The following TAFA2 variants were observed in gnomAD, a reference collection of about 807,000 sequenced individuals.
The protein encoded by TAFA2 is TAFA chemokine like family member 2.
A neutral mutation model predicts 18.8 loss-of-function variants in TAFA2; 7 were observed. That is an observed-to-expected ratio of 0.37 (90% confidence interval 0.21 to 0.70). TAFA2 has a LOEUF of 0.70. Ranked by LOEUF, TAFA2 falls within the 30% of genes least tolerant of loss-of-function variation. TAFA2 has a pLI of 0.53. For missense variants in TAFA2, 122 were observed against 158.1 expected, an observed-to-expected ratio of 0.77 and a Z score of 1.23; for synonymous variants, 60 against 54.2, an observed-to-expected ratio of 1.11 and a Z score of -0.47.
intron 1 of TAFA2, among the ~76,000 whole-genome samples, chr12:61,997,118 T>C (rs1349746747): frequency 2.0e-5 from 3 of 151,918 alleles, no homozygotes; most frequent in African/African-American, 7.3e-5. Context: ...AAAGTGTATA[T>C]ATGTATATGT....
intron 2 of TAFA2, among the ~76,000 whole-genome samples, chr12:61,796,051 A>G (rs1328977989): frequency 1.3e-5 from 2 of 152,156 alleles, no homozygotes; most frequent in Non-Finnish European, 2.9e-5. Context: ...TATGAAATAG[A>G]ACAACCACTT....
intron 1 of TAFA2, among the ~76,000 whole-genome samples, chr12:62,113,237 G>C (rs1387984853): frequency 6.6e-6 from 1 of 152,102 alleles, no homozygotes; most frequent in Non-Finnish European, 1.5e-5. Flanking sequence ...TAACAGTCAG[G>C]ACCCTCTGCT....
Position 61,783,228 on chromosome 12 carries a change from C to A in TAFA2, c.107-28204G>T, listed in dbSNP as rs1296936677. ...CAATCAGAAATAGAAAAAAACAAAG[C>A]TATAAAGGAATATTGCAAGGAATAT... On this transcript the variant is annotated intron_variant, in intron 2 of 4. Coordinates refer to ENST00000416284, the MANE Select transcript of TAFA2 (RefSeq NM_178539.5). 4.0e-5 allele frequency among the ~76,000 whole-genome samples: 6 copies of A among 151,540 alleles called. No individual in the cohort carries two copies. In the East Asian group the frequency reaches 1.2e-3, roughly 30 times the overall value.
intron 1 of TAFA2, among the ~76,000 whole-genome samples, chr12:62,058,477 C>T (rs908273111): frequency 1.3e-5 from 2 of 152,170 alleles, no homozygotes; most frequent in African/African-American, 4.8e-5. Context: ...ACTGGAGATA[C>T]AGCAGTGAAT....
At chr12:61,920,413 T>A (rs1055320821) in intron 1 of TAFA2, among the ~76,000 whole-genome samples, 1 of 152,188 alleles carries the variant, frequency 6.6e-6, no homozygotes, top group South Asian at 2.1e-4. Context: ...ATGAAAAAGA[T>A]GGAAAGTTGG....
chr12:62,251,900 T>A (rs2062915952), intron 1 of TAFA2, among the ~76,000 whole-genome samples: 1 of 152,330 alleles, frequency 6.6e-6, no homozygotes, highest in Non-Finnish European at 1.5e-5. Context: ...TCTTTAGTCA[T>A]GAAGGATGAT....
At chr12:62,110,564 C>T (rs1869676652) in intron 1 of TAFA2, among the ~76,000 whole-genome samples, 2 of 147,962 alleles carry the variant, frequency 1.4e-5, no homozygotes, top group Admixed American at 6.8e-5. Flanking sequence ...CACCAGCTTC[C>T]TTTTGCACCT....
rs540137044 is a variant in TAFA2 at position 61,972,968 on chromosome 12, C to T, written c.-1-105542G>A. Among the ~76,000 whole-genome samples, 3 of 151,804 alleles carry T rather than the reference C, an allele frequency of 2.0e-5. No individual in the cohort carries two copies. In the East Asian group the frequency reaches 5.8e-4, roughly 30 times the overall value. On this transcript the variant is annotated intron_variant, in intron 1 of 4. Coordinates refer to ENST00000416284, the MANE Select transcript of TAFA2 (RefSeq NM_178539.5). ...TAGAAACGATTTTCCCACCTACCTA[C>T]ATACCCTATTCAAATGCTAGTACCA... is the stretch of plus-strand genomic sequence containing the variant.
chr12:61,997,500 A>G (rs911851793), intron 1 of TAFA2, among the ~76,000 whole-genome samples: 1 of 152,186 alleles, frequency 6.6e-6, no homozygotes, highest in Non-Finnish European at 1.5e-5. Flanking sequence ...CTTACAGCCC[A>G]AGGTACAAAA....
chr12:61,935,472 A>T (rs1877723854), intron 1 of TAFA2, among the ~76,000 whole-genome samples: 1 of 152,182 alleles, frequency 6.6e-6, no homozygotes, highest in South Asian at 2.1e-4. Flanking sequence ...GATGTGCTAC[A>T]CCACAGCAAT....
At chr12:61,972,056 G>A (rs1879267227) in intron 1 of TAFA2, among the ~76,000 whole-genome samples, 1 of 149,020 alleles carries the variant, frequency 6.7e-6, no homozygotes, top group African/African-American at 2.5e-5. Flanking sequence ...TTGATTTTGT[G>A]GGGTTTTTGT....
At chr12:62,155,933 G>A (rs917671498) in intron 1 of TAFA2, among the ~76,000 whole-genome samples, 1 of 152,136 alleles carries the variant, frequency 6.6e-6, no homozygotes, top group Admixed American at 6.5e-5. Context: ...TAAAACCAAA[G>A]ATAAATAATT....
chr12:61,977,746 C>T (rs2136673040), intron 1 of TAFA2, among the ~76,000 whole-genome samples: 1 of 152,164 alleles, frequency 6.6e-6, no homozygotes, highest in East Asian at 1.9e-4. Flanking sequence ...ACCATTCTCA[C>T]ACTTTGTCTT....
chr12:62,075,109 C>A (rs1329049854), intron 1 of TAFA2, among the ~76,000 whole-genome samples: 2 of 152,150 alleles, frequency 1.3e-5, no homozygotes, highest in Admixed American at 1.3e-4. Context: ...AATAACACAA[C>A]ATTCTTCTTC....
At chr12:61,863,393 G>A (rs1215497301) in intron 2 of TAFA2, among the ~76,000 whole-genome samples, 2 of 152,204 alleles carry the variant, frequency 1.3e-5, no homozygotes, top group Non-Finnish European at 1.5e-5. Context: ...CAATGTATAA[G>A]TACAGCAGCA....
chr12:61,868,042 A>C (rs954280346), intron 1 of TAFA2, among the ~76,000 whole-genome samples: 11 of 152,212 alleles, frequency 7.2e-5, no homozygotes, highest in African/African-American at 2.7e-4. Flanking sequence ...AGGTAGGAGA[A>C]AAATGAAAAA....
chr12:61,714,385 C>A (rs1347578530), intron 4 of TAFA2, among the ~76,000 whole-genome samples: 1 of 152,092 alleles, frequency 6.6e-6, no homozygotes, highest in African/African-American at 2.4e-5. Flanking sequence ...ATAATAATAG[C>A]TTTTCTGTCA....
chr12:61,834,786 T>A (rs1872852723), intron 2 of TAFA2, among the ~76,000 whole-genome samples: 1 of 152,086 alleles, frequency 6.6e-6, no homozygotes, highest in Admixed American at 6.6e-5. Context: ...GGATTATTTT[T>A]CTTGATTAAA....
At chr12:61,812,007 G>A (rs985943688) in intron 2 of TAFA2, among the ~76,000 whole-genome samples, 2 of 151,192 alleles carry the variant, frequency 1.3e-5, no homozygotes, top group Non-Finnish European at 2.9e-5. Context: ...TCCCCTATGT[G>A]GTATATTGTA....
Sources: gnomAD v4.1 joint callset for allele counts (sites outside exome capture counted in the v4.1 genomes callset) on GRCh38, gnomAD v4.1.1 for gene constraint, MANE v1.5 for transcripts, NCBI Gene and HGNC (gene_info 2026-07-23, HGNC 2026-07-21) for gene names.